Variants in TRIM17 observed in about 807,000 individuals in gnomAD.
TRIM17 encodes E3 ubiquitin-protein ligase TRIM17.
A neutral mutation model predicts 35.8 loss-of-function variants in TRIM17; 27 were observed. The observed-to-expected ratio is 0.75, with a 90% confidence interval of 0.56 to 1.04. The LOEUF (loss-of-function observed/expected upper bound fraction) is 1.04. Ranked by LOEUF, TRIM17 falls within the 50% of genes least tolerant of loss-of-function variation. The probability of loss-of-function intolerance (pLI) is 0.00; values close to 1 mark genes in which losing one functional copy is unlikely to be tolerated. For missense variants in TRIM17, 582 were observed against 612.8 expected (o/e 0.95, Z 0.53); for synonymous variants, 246 against 252.6 (o/e 0.97, Z 0.25).
rs745733217 is a variant in TRIM17, at chr1:228,415,004, G to GAAGTA, written c.64_68dup (p.Asp25SerfsTer5). The GAAGTA allele has an allele frequency of 1.9e-5, 30 of 1,613,114 alleles. No individual in the cohort carries two copies. The highest frequency in any genetic ancestry group is 1.6e-4 in the Middle Eastern group (1 of 6,062). On this transcript the variant is annotated frameshift_variant, in exon 2 of 7. Coordinates refer to ENST00000366698, the MANE Select transcript of TRIM17 (RefSeq NM_016102.4). LOFTEE classifies it high-confidence loss of function. ...CACAGGTGGTCATCACAGGGTCTGT[G>GAAGTA]AAGTAATCCAGACAGATGGAGCACG...
Position 228,411,210 on chromosome 1 carries a change from C to A in TRIM17, c.526-34G>T, listed in dbSNP as rs772103198. ...GTGGAGAAGCCCAGCATGTTGCCAG[C>A]AGGTGGCTCAGCTCCAGGGATGCTG... On this transcript the variant is annotated intron_variant, in intron 3 of 6. Coordinates refer to ENST00000366698, the MANE Select transcript of TRIM17 (RefSeq NM_016102.4). This position sits in a 1 kb window ranked among gnomAD's most constrained non-coding sequence, Gnocchi z 4.2. 6.4e-7 allele frequency: 1 copy of A among 1,554,000 alleles called. No individual in the cohort carries two copies. The highest frequency in any genetic ancestry group is 8.7e-7 in the Non-Finnish European group (1 of 1,143,972).
At position 228,408,293 on chromosome 1, in the gene TRIM17, AGGTG is replaced by A. The variant is rs767498281; in HGVS notation, c.1338_1341del (p.Thr447SerfsTer24). The A allele has an allele frequency of 1.9e-6, 3 of 1,605,596 alleles. No individual in the cohort carries two copies. The highest frequency in any genetic ancestry group is 2.6e-6 in the Non-Finnish European group (3 of 1,174,394). ...AAGAAAGGCTGCAGGGGGCCTGGGA[AGGTG>A]GCCTGGGAGTAGGTGTGCAGGTGGG... is the stretch of plus-strand genomic sequence containing the variant. On this transcript the variant is annotated frameshift_variant, in exon 7 of 7. Coordinates refer to ENST00000366698, the MANE Select transcript of TRIM17 (RefSeq NM_016102.4). LOFTEE classifies it high-confidence loss of function. This position sits in a 1 kb window ranked among gnomAD's most constrained non-coding sequence, Gnocchi z 6.3.
At position 228,410,969 on chromosome 1, in the gene TRIM17, G is replaced by A. The variant is rs1656746513; in HGVS notation, c.733C>T (p.Gln245Ter). 6.3e-7 allele frequency: 1 copy of A among 1,590,762 alleles called. No individual in the cohort carries two copies. Among genetic ancestry groups the A allele is most frequent in the Non-Finnish European group, 8.6e-7 (1 of 1,169,228 alleles). ...LLLQLEERST[Q>*]GPLQMLQDMK... ...ACCTGCAGCATCTGGAGGGGCCCCT[G>A]TGTGCTCCGCTCCTCCAGCTGCAGC... Residue 245 changes from glutamine to a stop codon, truncating the protein, a stop_gained, in exon 4 of 7, where the codon CAG becomes TAG. Coordinates refer to ENST00000366698, the MANE Select transcript of TRIM17 (RefSeq NM_016102.4). LOFTEE classifies it high-confidence loss of function. The surrounding 1 kb of genome is among the most constrained non-coding windows in gnomAD (Gnocchi z 4.6).
intron 4 of TRIM17, chr1:228,409,713 T>C (rs1259861447): frequency 3.4e-6 from 1 of 292,138 alleles, no homozygotes; most frequent in Non-Finnish European, 6.2e-6. Context: ...CACTCAACAC[T>C]GACCCTCCTC....
At chr1:228,409,468 T>C (rs1205662022) in intron 4 of TRIM17, 57 bp from the exon 5 acceptor site, 3 of 1,451,530 alleles carry the variant, frequency 2.1e-6, no homozygotes, top group Non-Finnish European at 2.7e-6. Context: ...CTCACCTCAA[T>C]GTCCCTGCTC....
rs186113902 is a variant in TRIM17 at position 228,408,847 on chromosome 1, A to G, written c.884-96T>C. ...CGGGCCCTAGTGGTGGATGTGGCCA[A>G]TGGTCCCCTAACTCCGCAGAGGCCT... On this transcript the variant is annotated intron_variant, in intron 6 of 6. Transcript: ENST00000366698. This position sits in a 1 kb window ranked among gnomAD's most constrained non-coding sequence, Gnocchi z 6.3. 925 of 1,510,998 alleles carry G rather than the reference A, an allele frequency of 6.1e-4. 7 individuals carry two copies. The East Asian group carries it at 7.6e-3, about 12-fold the overall frequency. 93.6% of individuals were successfully genotyped at this position (1,510,998 alleles called of 1,614,324 possible). A position where few individuals can be genotyped will look rare whatever the true frequency, so the allele number is the denominator to read the frequency against.
Position 228,408,503 on chromosome 1 carries a change from C to T in TRIM17, c.1132G>A (p.Asp378Asn). 3 of 1,614,160 alleles carry T rather than the reference C, an allele frequency of 1.9e-6. No homozygotes were observed. The highest frequency in any genetic ancestry group is 2.5e-6 in the Non-Finnish European group (3 of 1,180,008). Residue 378 changes from aspartate to asparagine, a missense_variant, in exon 7 of 7, where the codon GAC (aspartate) becomes AAC (asparagine). By Grantham distance (23) the Asp-to-Asn change is conservative. Transcript: ENST00000366698. This position sits in a 1 kb window ranked among gnomAD's most constrained non-coding sequence, Gnocchi z 6.3. ...GVCRDNVSRK[D>N]RVPKCPENGF... The stretch of plus-strand genomic sequence containing the variant: ...TTTTCGGGGCACTTGGGGACCCTGT[C>T]TTTCCGGCTCACGTTGTCCCTGCAC...
At position 228,416,567 on chromosome 1, in the gene TRIM17, T is replaced by C; in HGVS notation, c.-70A>G. ...GGGGAAGGGGGGCCCGCACAGCGCC[T>C]AGTGCACCTGGCCGAGCGCTCGCTG... On this transcript the variant is annotated 5_prime_UTR_variant, in exon 1 of 7. Coordinates refer to ENST00000366698, the MANE Select transcript of TRIM17 (RefSeq NM_016102.4). The C allele has an allele frequency of 1.0e-6, 1 of 985,404 alleles. No homozygotes were observed. The highest frequency in any genetic ancestry group is 1.7e-5 in the African/African-American group (1 of 57,182). The allele number at this position is 985,404 out of a possible 1,614,324, so 61.0% of individuals were successfully genotyped here. A position where few individuals can be genotyped will look rare whatever the true frequency, so the allele number is the denominator to read the frequency against.
At chr1:228,414,603 C>T (rs1445034693) in intron 2 of TRIM17, 41 bp downstream of exon 2, 1 of 1,564,116 alleles carries the variant, frequency 6.4e-7, no homozygotes, top group African/African-American at 1.4e-5. Flanking sequence ...CCCTGGATGC[C>T]TCCTCCCCGG....
chr1:228,412,097 C>T (rs547189791), intron 3 of TRIM17, among the ~76,000 whole-genome samples: 1 of 152,292 alleles, frequency 6.6e-6, no homozygotes, highest in East Asian at 1.9e-4. Context: ...TGCTGACGCC[C>T]ACCCTTCACT....
Position 228,408,303 on chromosome 1 carries a change from G to C in TRIM17, c.1332C>G (p.Ser444=). The change falls in exon 7 of 7, where the codon TCC becomes TCG. Residue 444 remains serine, a synonymous_variant. Transcript: ENST00000366698. The surrounding 1 kb of genome is among the most constrained non-coding windows in gnomAD (Gnocchi z 6.3). The part of the protein sequence containing the change: ...VSDGSHLHTY[S]QATFPGPLQP... ...GCAGGGGGCCTGGGAAGGTGGCCTGGGAGTAGGTGTGCAGGTGGGACCCAT... is the reference window on the plus strand; with the variant it reads ...GCAGGGGGCCTGGGAAGGTGGCCTGCGAGTAGGTGTGCAGGTGGGACCCAT... The C allele has an allele frequency of 6.2e-7, 1 of 1,608,444 alleles. No homozygotes were observed. The highest frequency in any genetic ancestry group is 8.5e-7 in the Non-Finnish European group (1 of 1,175,964).
intron 1 of TRIM17, 181 bp downstream of exon 1, chr1:228,416,358 C>G (rs1657123947): frequency 3.0e-6 from 3 of 985,462 alleles, no homozygotes; most frequent in South Asian, 9.4e-5. Context: ...CCTTCCCGCT[C>G]TGGTCCGCTA....
intron 1 of TRIM17, 68 bp downstream of exon 1, chr1:228,416,471 G>C: frequency 1.0e-6 from 1 of 986,482 alleles, no homozygotes; most frequent in South Asian, 4.7e-5. Flanking sequence ...GGAGGACCGG[G>C]TTAGGCTTAG....
In TRIM17 at chr1:228,416,418, G is replaced by A. The variant is rs1002723970; in HGVS notation, c.-42+121C>T. ...GAAGCGCGCTAGCCCCTCCAGGGAC[G>A]CGGCGGCCGGCGGAGGCGGGAAGGC... On this transcript the variant is annotated intron_variant, in intron 1 of 6. Coordinates refer to ENST00000366698, the MANE Select transcript of TRIM17 (RefSeq NM_016102.4). 5 of 986,854 alleles carry A rather than the reference G, an allele frequency of 5.1e-6. No homozygotes were observed. The Admixed American group carries it at 1.8e-4, about 36-fold the overall frequency. The allele number at this position is 986,854 out of a possible 1,614,324, so 61.1% of individuals were successfully genotyped here.
intron 5 of TRIM17, 38 bp downstream of exon 5, chr1:228,409,349 GCT>G: frequency 8.7e-6 from 8 of 922,200 alleles, no homozygotes; most frequent in Non-Finnish European, 1.3e-5. Flanking sequence ...CCCGCCCACC[GCT>G]GCCACTGCCC....
chr1:228,415,528 G>GAT, intron 1 of TRIM17: 1 of 158,510 alleles, frequency 6.3e-6, no homozygotes, highest in Non-Finnish European at 1.4e-5. Flanking sequence ...TCCATCCACT[G>GAT]ACCCCACCCA....
At chr1:228,415,199 G>A (rs1199093010) in intron 1 of TRIM17, 86 bp from the exon 2 acceptor site, 1 of 1,095,330 alleles carries the variant, frequency 9.1e-7, no homozygotes, top group East Asian at 2.6e-5. Context: ...ACAGAGGAGG[G>A]CTAGGACTGC....
intron 3 of TRIM17, among the ~76,000 whole-genome samples, chr1:228,413,211 CA>C (rs59069528): frequency 0.46 from 47,892 of 103,914 alleles, 8,288 homozygotes; most frequent in South Asian, 0.6. Context: ...AACTCCATCT[CA>C]AAAAAAAAAA....
At chr1:228,412,609 A>C (rs1656840117) in intron 3 of TRIM17, among the ~76,000 whole-genome samples, 1 of 148,986 alleles carries the variant, frequency 6.7e-6, no homozygotes, top group Admixed American at 6.9e-5. Context: ...AAAAAAAAAA[A>C]AAAAAAAAAA....
Sources: allele counts gnomAD v4.1 joint callset (sites outside exome capture counted in the v4.1 genomes callset), GRCh38; gene constraint gnomAD v4.1.1; non-coding constraint Gnocchi (gnomAD v3.1); transcripts MANE v1.5; gene names NCBI Gene and HGNC (gene_info 2026-07-23, HGNC 2026-07-21).